The following LRRC4C variants were observed in gnomAD, a reference collection of about 807,000 sequenced individuals.
The protein encoded by LRRC4C is leucine rich repeat containing 4C.
Under a neutral mutation model 33.6 loss-of-function variants are expected in LRRC4C, and 5 were observed. That is an observed-to-expected ratio of 0.15 (90% CI 0.08 to 0.31). The LOEUF is 0.31. Among genes scored for constraint, LRRC4C ranks in the 10% least tolerant of loss-of-function variants. LRRC4C has a pLI of 1.00. For synonymous variants in LRRC4C, 329 were observed against 302.0 expected, an observed-to-expected ratio of 1.09 and a Z score of -0.93; for missense variants, 560 against 796.7, an observed-to-expected ratio of 0.70 and a Z score of 3.58.
intron 4 of LRRC4C, among the ~76,000 whole-genome samples, chr11:40,242,597 A>G (rs1866003768): frequency 1.3e-5 from 2 of 152,186 alleles, no homozygotes; most frequent in Non-Finnish European, 2.9e-5. Flanking sequence ...GTCCCTAGTA[A>G]TTAAGCCAAT....
intron 2 of LRRC4C, among the ~76,000 whole-genome samples, chr11:40,705,996 A>C (rs2136532090): frequency 6.6e-6 from 1 of 152,172 alleles, no homozygotes; most frequent in South Asian, 2.1e-4. Context: ...TGGCTGCATA[A>C]ATGTCTTATT....
chr11:41,428,211 G>A (rs1446762324), intron 1 of LRRC4C, among the ~76,000 whole-genome samples: 1 of 152,056 alleles, frequency 6.6e-6, no homozygotes, highest in Non-Finnish European at 1.5e-5. Flanking sequence ...CAAGAATTTG[G>A]TTTCTATTCC....
At chr11:40,538,338 T>G (rs1206820007) in intron 3 of LRRC4C, among the ~76,000 whole-genome samples, 1 of 151,680 alleles carries the variant, frequency 6.6e-6, no homozygotes, top group African/African-American at 2.4e-5. Context: ...TCTGTCCAAG[T>G]GTTCTTATTG....
rs892307968 is a variant in LRRC4C at position 40,986,503 on chromosome 11, G to A, written c.-495-52780C>T. Among the ~76,000 whole-genome samples, 5 of 152,158 alleles carry A rather than the reference G, an allele frequency of 3.3e-5. No homozygotes were observed. The South Asian group carries it at 8.3e-4, about 25-fold the overall frequency. On this transcript the variant is annotated intron_variant, in intron 1 of 6. Coordinates refer to ENST00000528697, the MANE Select transcript of LRRC4C (RefSeq NM_001258419.2). The stretch of plus-strand genomic sequence containing the variant: ...AGTCTCAGCTACTTGAGAAGCTGAG[G>A]ATCACTTGAGTCATGGAGATCAAAG...
chr11:40,895,317 A>G (rs1488796128), intron 2 of LRRC4C, among the ~76,000 whole-genome samples: 2 of 139,550 alleles, frequency 1.4e-5, no homozygotes, highest in Non-Finnish European at 3.2e-5. Context: ...ATATATTTTA[A>G]ATATAATATG....
rs1291304608 is a variant in LRRC4C, at chr11:40,777,329, TCTC to T, written c.-406-129054_-406-129052del. On this transcript the variant is annotated intron_variant, in intron 2 of 6. Transcript: ENST00000528697. ...TAATATTGTCTGCGGGGTGTGGACT[TCTC>T]CTCTATAATTATGTCCCTGCCTACA... Among the ~76,000 whole-genome samples, 5 of 152,306 alleles carry T rather than the reference TCTC, an allele frequency of 3.3e-5. No homozygotes were observed. The East Asian group carries it at 9.7e-4, about 29-fold the overall frequency.
At chr11:40,898,802 G>A (rs1291211332) in intron 2 of LRRC4C, among the ~76,000 whole-genome samples, 1 of 151,368 alleles carries the variant, frequency 6.6e-6, no homozygotes, top group Non-Finnish European at 1.5e-5. Context: ...CCAACCACTC[G>A]TCCCAATTAA....
chr11:40,187,264 G>A (rs1861477133), intron 5 of LRRC4C, among the ~76,000 whole-genome samples: 1 of 151,764 alleles, frequency 6.6e-6, no homozygotes, highest in Admixed American at 6.6e-5. Flanking sequence ...AGCAGCAGAG[G>A]CACACTCAGC....
intron 1 of LRRC4C, among the ~76,000 whole-genome samples, chr11:41,231,288 C>A (rs1043904467): frequency 6.6e-6 from 1 of 152,070 alleles, no homozygotes; most frequent in African/African-American, 2.4e-5. Flanking sequence ...GATTATAAAT[C>A]ATGCTGCTAT....
chr11:41,052,135 C>T (rs961494218), intron 1 of LRRC4C, among the ~76,000 whole-genome samples: 3 of 152,098 alleles, frequency 2.0e-5, no homozygotes, highest in Non-Finnish European at 2.9e-5. Context: ...TTTTCCCTTG[C>T]ATCCACTGCA....
chr11:40,965,552 G>A (rs562270656), intron 1 of LRRC4C, among the ~76,000 whole-genome samples: 13 of 152,248 alleles, frequency 8.5e-5, no homozygotes, highest in Admixed American at 3.9e-4. Flanking sequence ...TGTATAAGGT[G>A]TAAGGAAGGG....
intron 2 of LRRC4C, among the ~76,000 whole-genome samples, chr11:40,929,112 T>C (rs1957506596): frequency 6.6e-6 from 1 of 152,176 alleles, no homozygotes; most frequent in African/African-American, 2.4e-5. Flanking sequence ...GAAGTCCAAT[T>C]CTATTGGTAT....
chr11:40,218,702 T>TCTATCTAC (rs1458548689), intron 5 of LRRC4C, among the ~76,000 whole-genome samples: 1 of 145,978 alleles, frequency 6.9e-6, no homozygotes, highest in Admixed American at 6.9e-5. Context: ...AATCTATCTA[T>TCTATCTAC]CTATCTATCT....
At chr11:40,642,685 A>G (rs1286817122) in intron 3 of LRRC4C, among the ~76,000 whole-genome samples, 1 of 152,190 alleles carries the variant, frequency 6.6e-6, no homozygotes, top group Admixed American at 6.5e-5. Flanking sequence ...CAATTTGTTA[A>G]ATGAATTCAT....
intron 2 of LRRC4C, among the ~76,000 whole-genome samples, chr11:40,829,508 G>T (rs894101719): frequency 6.6e-6 from 1 of 151,938 alleles, no homozygotes; most frequent in African/African-American, 2.4e-5. Context: ...ATAGCTAAAG[G>T]CTGCTCAAAT....
intron 1 of LRRC4C, among the ~76,000 whole-genome samples, chr11:41,304,824 G>T (rs868147993): frequency 2.0e-4 from 14 of 71,482 alleles, no homozygotes; most frequent in Admixed American, 5.5e-4. Flanking sequence ...AGGTGGGGGG[G>T]TCAGCCCCCC....
intron 5 of LRRC4C, among the ~76,000 whole-genome samples, chr11:40,174,546 A>C (rs1015478537): frequency 6.6e-6 from 1 of 152,182 alleles, no homozygotes; most frequent in Non-Finnish European, 1.5e-5. Flanking sequence ...CCGTGTGTGC[A>C]CCTGTGCATA....
chr11:41,363,018 T>TATC (rs1952411543), intron 1 of LRRC4C, among the ~76,000 whole-genome samples: 1 of 152,192 alleles, frequency 6.6e-6, no homozygotes, highest in Admixed American at 6.5e-5. Flanking sequence ...ATGGGAGCCA[T>TATC]TATTCATGCT....
rs544773944 is a variant in LRRC4C, at chr11:40,789,353, G to A, written c.-406-141075C>T. On this transcript the variant is annotated intron_variant, in intron 2 of 6. Coordinates refer to ENST00000528697, the MANE Select transcript of LRRC4C (RefSeq NM_001258419.2). ...TCATTGATAACTAGTCTGGGATACC[G>A]AAAATGTACATAGTCGATTGCACAT... Among the ~76,000 whole-genome samples the A allele has an allele frequency of 2.0e-3, 311 of 152,118 alleles. 5 individuals are homozygous for A. Among genetic ancestry groups the A allele is most frequent in the Middle Eastern group, 6.8e-3 (2 of 294 alleles).
Sources: allele counts gnomAD v4.1 joint callset (sites outside exome capture counted in the v4.1 genomes callset), GRCh38; gene constraint gnomAD v4.1.1; transcripts MANE v1.5; gene names NCBI Gene and HGNC (gene_info 2026-07-23, HGNC 2026-07-21).